Variants in ADAMTSL3 observed in about 807,000 individuals in gnomAD.
ADAMTSL3 encodes the protein ADAMTS like 3, also known as ADAMTS-like protein 3.
In ADAMTSL3, 128 loss-of-function variants were observed where a neutral mutation model predicts 201.7. The observed-to-expected ratio is 0.63, with a 90% CI of 0.55 to 0.73. The LOEUF (loss-of-function observed/expected upper bound fraction) is 0.73, where lower values mean the gene tolerates loss of function less well. Ranked by LOEUF, ADAMTSL3 falls within the 30% of genes least tolerant of loss-of-function variation. The pLI is 0.00. For missense variants in ADAMTSL3, 1,990 were observed against 2,119.6 expected (o/e 0.94, Z 1.20); for synonymous variants, 738 against 748.4 (o/e 0.99, Z 0.23).
At chr15:83,849,089 G>A (rs1279901583) in intron 7 of ADAMTSL3, among the ~76,000 whole-genome samples, 3 of 152,118 alleles carry the variant, frequency 2.0e-5, no homozygotes, top group Non-Finnish European at 4.4e-5. Flanking sequence ...CCTACTGTTA[G>A]CGACACCATA....
intron 3 of ADAMTSL3, among the ~76,000 whole-genome samples, chr15:83,706,156 A>G (rs2061848185): frequency 6.6e-6 from 1 of 152,144 alleles, no homozygotes. Context: ...CTTCAGAGGA[A>G]CTAATTGAGA....
intron 19 of ADAMTSL3, among the ~76,000 whole-genome samples, chr15:83,952,375 A>G (rs534191097): frequency 6.6e-5 from 10 of 152,246 alleles, no homozygotes; most frequent in African/African-American, 2.4e-4. Context: ...GGCTGAACAT[A>G]TGGTCTGTTT....
At chr15:83,921,308 A>G (rs1007228083) in intron 16 of ADAMTSL3, among the ~76,000 whole-genome samples, 4 of 152,158 alleles carry the variant, frequency 2.6e-5, no homozygotes, top group African/African-American at 9.6e-5. Context: ...GTTTTTGTTA[A>G]TGTTCCACGG....
chr15:83,872,173 G>T (rs1452267136), intron 9 of ADAMTSL3, among the ~76,000 whole-genome samples: 1 of 151,892 alleles, frequency 6.6e-6, no homozygotes, highest in Admixed American at 6.6e-5. Context: ...AAAGATCAGG[G>T]TTTGTTTTTT....
chr15:83,688,721 ACTAT>A (rs768255995), intron 2 of ADAMTSL3, among the ~76,000 whole-genome samples: 11 of 150,076 alleles, frequency 7.3e-5, no homozygotes, highest in East Asian at 2.0e-4. Context: ...TACAAAAAAA[ACTAT>A]CTAGTGTTAA....
intron 7 of ADAMTSL3, among the ~76,000 whole-genome samples, chr15:83,844,871 A>T (rs1445548758): frequency 1.3e-5 from 2 of 152,240 alleles, no homozygotes; most frequent in Non-Finnish European, 2.9e-5. Context: ...TGGCCTCTTC[A>T]TGAATCACCT....
intron 2 of ADAMTSL3, among the ~76,000 whole-genome samples, chr15:83,700,534 C>G (rs925226216): frequency 6.6e-6 from 1 of 152,170 alleles, no homozygotes; most frequent in South Asian, 2.1e-4. Flanking sequence ...GAGGCCAAGG[C>G]GGGCAGGTCG....
intron 10 of ADAMTSL3, 96 bp downstream of exon 10, chr15:83,885,308 A>G: frequency 1.1e-6 from 1 of 932,188 alleles, no homozygotes; most frequent in Non-Finnish European, 1.7e-6. Flanking sequence ...TGGTGTGGTG[A>G]TTAGAGATGT....
In ADAMTSL3 at chr15:84,016,376, TCCTCAG is replaced by T; in HGVS notation, c.4157-6_4157-1del. 1.2e-6 allele frequency: 2 copies of T among 1,610,124 alleles called. No homozygotes were observed. The highest frequency in any genetic ancestry group is 1.7e-5 in the Admixed American group (1 of 59,826). On this transcript the variant is annotated splice_acceptor_variant and splice_polypyrimidine_tract_variant and intron_variant, in intron 24 of 29. Coordinates refer to ENST00000286744, the MANE Select transcript of ADAMTSL3 (RefSeq NM_207517.3). LOFTEE classifies it high-confidence loss of function. The stretch of plus-strand genomic sequence containing the variant: ...CTGGTAAAAGTGCTACTTTTTTTTT[TCCTCAG>T]AACGAAGATGGCCAGAGAGTAGAAT...
rs2064795085 is a variant in ADAMTSL3, at chr15:83,858,788, TC to T, written c.752del (p.Pro251LeufsTer7). ...CAGGAGAAGAAAATGTAATTGCTGT[TC>T]CTTTGGGAAGTCGAAGTGTGAGAAT... ...EKREENVIAV[P>X]LGSRSVRITV... is the part of the protein sequence containing the mutation. On this transcript the variant is annotated frameshift_variant, in exon 8 of 30. Coordinates refer to ENST00000286744, the MANE Select transcript of ADAMTSL3 (RefSeq NM_207517.3). LOFTEE classifies it high-confidence loss of function. 2 of 1,613,836 alleles carry T rather than the reference TC, an allele frequency of 1.2e-6. No homozygotes were observed. The highest frequency in any genetic ancestry group is 1.7e-6 in the Non-Finnish European group (2 of 1,179,890).
chr15:83,997,883 A>G (rs755848894), intron 23 of ADAMTSL3, among the ~76,000 whole-genome samples: 8 of 152,186 alleles, frequency 5.3e-5, no homozygotes, highest in Non-Finnish European at 1.0e-4. Context: ...CTGAAATTCT[A>G]TCTTGGACCA....
At chr15:83,969,360 C>T (rs974951480) in intron 19 of ADAMTSL3, among the ~76,000 whole-genome samples, 1 of 152,132 alleles carries the variant, frequency 6.6e-6, no homozygotes, top group Admixed American at 6.5e-5. Context: ...AGGAGAATCG[C>T]TTGAATCTGA....
chr15:83,945,213 G>A (rs2066632586), intron 19 of ADAMTSL3, among the ~76,000 whole-genome samples: 1 of 152,056 alleles, frequency 6.6e-6, no homozygotes, highest in Non-Finnish European at 1.5e-5. Context: ...CAAGCAGCTG[G>A]AGACAGTGCC....
At chr15:83,988,259 A>G (rs112639890) in intron 21 of ADAMTSL3, among the ~76,000 whole-genome samples, 46 of 152,204 alleles carry the variant, frequency 3.0e-4, no homozygotes, top group Non-Finnish European at 5.9e-4. Context: ...CCAAAGCCCA[A>G]TCACCTCCAG....
At chr15:83,936,649 C>T (rs1024975012) in intron 17 of ADAMTSL3, among the ~76,000 whole-genome samples, 1 of 150,796 alleles carries the variant, frequency 6.6e-6, no homozygotes, top group Non-Finnish European at 1.5e-5. Flanking sequence ...GTGACAAAAA[C>T]AAAAATTGAC....
chr15:83,770,014 A>T (rs992131175), intron 3 of ADAMTSL3, among the ~76,000 whole-genome samples: 2 of 152,054 alleles, frequency 1.3e-5, no homozygotes, highest in Non-Finnish European at 1.5e-5. Context: ...TTTTTAATTA[A>T]GGTATGATGT....
At chr15:83,742,699 C>T (rs1269489589) in intron 3 of ADAMTSL3, among the ~76,000 whole-genome samples, 1 of 152,168 alleles carries the variant, frequency 6.6e-6, no homozygotes, top group Non-Finnish European at 1.5e-5. Context: ...TTGTGCTTTT[C>T]TTGTCTGGAA....
chr15:83,865,987 C>T (rs895366991), intron 8 of ADAMTSL3, among the ~76,000 whole-genome samples: 1 of 152,162 alleles, frequency 6.6e-6, no homozygotes, highest in African/African-American at 2.4e-5. Flanking sequence ...GACATTTATG[C>T]AGCCAAAAGA....
rs367957226 is a variant in ADAMTSL3 at position 83,804,680 on chromosome 15, G to A, written c.348G>A (p.Lys116=). Residue 116 remains lysine, a synonymous_variant, in exon 5 of 30, where the codon AAG becomes AAA. Transcript: ENST00000286744. ...RNCEGQNIRY[K]TCSNHDCPPD... is the part of the protein sequence containing the mutation. ...GTGAAGGGCAGAACATTCGGTACAA[G>A]ACATGCAGCAATCATGTAAGTCATA... 7.0e-5 allele frequency: 111 copies of A among 1,581,430 alleles called. No homozygotes were observed. The highest frequency in any genetic ancestry group is 9.1e-5 in the Non-Finnish European group (106 of 1,166,398).
Sources: gnomAD v4.1 joint callset for allele counts (sites outside exome capture counted in the v4.1 genomes callset) on GRCh38, gnomAD v4.1.1 for gene constraint, MANE v1.5 for transcripts, NCBI Gene and HGNC (gene_info 2026-07-23, HGNC 2026-07-21) for gene names.